The following MTA3 variants were observed in gnomAD, a reference collection of about 807,000 sequenced individuals.
MTA3 encodes the protein metastasis associated 1 family member 3.
In MTA3, 34 loss-of-function variants were observed where a neutral mutation model predicts 83.5. The ratio of observed to expected loss-of-function variants is 0.41; its 90% confidence interval spans 0.31 to 0.54. The LOEUF is 0.54. Ranked by LOEUF, MTA3 falls within the 20% of genes least tolerant of loss-of-function variation. MTA3 has a pLI of 0.33. For synonymous variants in MTA3, 303 were observed against 252.7 expected (o/e 1.20, Z -1.89); for missense variants, 761 against 726.4 (o/e 1.05, Z -0.55).
chr2:42,505,866 T>G (rs892451370), intron 2 of MTA3, among the ~76,000 whole-genome samples: 1 of 151,286 alleles, frequency 6.6e-6, no homozygotes, highest in Non-Finnish European at 1.5e-5. Flanking sequence ...TCTCCCAGGT[T>G]CAAGTGATTC....
chr2:42,604,897 G>C (rs1486224514), intron 3 of MTA3, among the ~76,000 whole-genome samples: 2 of 148,622 alleles, frequency 1.3e-5, no homozygotes, highest in East Asian at 2.0e-4. Flanking sequence ...CACAGGGTTG[G>C]GGGTAAGGTC....
chr2:42,727,721 C>T (rs1055075373), intron 16 of MTA3, among the ~76,000 whole-genome samples: 2 of 150,990 alleles, frequency 1.3e-5, no homozygotes, highest in African/African-American at 2.4e-5. Context: ...GATGAGTTTT[C>T]TCCTCTATAA....
chr2:42,737,290 G>C (rs1668683298), intron 16 of MTA3, among the ~76,000 whole-genome samples: 2 of 152,170 alleles, frequency 1.3e-5, no homozygotes. Context: ...GGGCTTGCCA[G>C]AACTCAGGTT....
At chr2:42,672,395 C>T (rs1382697784) in intron 8 of MTA3, among the ~76,000 whole-genome samples, 2 of 150,960 alleles carry the variant, frequency 1.3e-5, no homozygotes, top group East Asian at 3.9e-4. Context: ...GTAATCCTAG[C>T]ACTCTGGGAG....
chr2:42,688,180 C>T (rs1344867250), intron 9 of MTA3, among the ~76,000 whole-genome samples: 1 of 152,192 alleles, frequency 6.6e-6, no homozygotes, highest in Non-Finnish European at 1.5e-5. Flanking sequence ...AGGTGATCCT[C>T]CTGGCTTCAG....
intron 8 of MTA3, among the ~76,000 whole-genome samples, chr2:42,668,778 T>TA (rs1176820411): frequency 6.6e-6 from 1 of 152,182 alleles, no homozygotes; most frequent in African/African-American, 2.4e-5. Context: ...GAAGTCACTG[T>TA]AAGAGTTAAA....
chr2:42,632,560 T>C (rs895902164), intron 4 of MTA3, among the ~76,000 whole-genome samples: 3 of 152,214 alleles, frequency 2.0e-5, no homozygotes, highest in African/African-American at 7.2e-5. Context: ...CACTTTCTCC[T>C]GTAAGAGGGA....
intron 4 of MTA3, among the ~76,000 whole-genome samples, chr2:42,634,725 A>G (rs762814494): frequency 5.3e-5 from 8 of 151,514 alleles, no homozygotes; most frequent in Non-Finnish European, 8.8e-5. Context: ...CAAGGCAGTC[A>G]TTTGCTTGGT....
intron 16 of MTA3, among the ~76,000 whole-genome samples, chr2:42,745,477 G>T (rs1669337831): frequency 6.6e-6 from 1 of 152,174 alleles, no homozygotes; most frequent in Non-Finnish European, 1.5e-5. Flanking sequence ...TTTCTCTATA[G>T]CTTATCATCT....
At chr2:42,658,133 A>G (rs959487075) in intron 7 of MTA3, among the ~76,000 whole-genome samples, 6 of 152,000 alleles carry the variant, frequency 3.9e-5, no homozygotes, top group African/African-American at 1.4e-4. Context: ...ACCACAGTCA[A>G]ATACCACTGC....
intron 3 of MTA3, among the ~76,000 whole-genome samples, chr2:42,597,795 T>G (rs562516846): frequency 6.6e-6 from 1 of 150,584 alleles, no homozygotes; most frequent in East Asian, 2.0e-4. Flanking sequence ...ATCCTCCTGC[T>G]TCAGCCTCCT....
chr2:42,607,629 C>T (rs948686354), intron 3 of MTA3, among the ~76,000 whole-genome samples: 19 of 152,164 alleles, frequency 1.2e-4, no homozygotes, highest in African/African-American at 3.9e-4. Flanking sequence ...CAGGCATGAG[C>T]CATCACACCT....
chr2:42,713,690 A>T (rs1391111254), intron 14 of MTA3, among the ~76,000 whole-genome samples: 2 of 152,192 alleles, frequency 1.3e-5, no homozygotes, highest in African/African-American at 4.8e-5. Flanking sequence ...TGATATTAAC[A>T]TACTGTCTAT....
intron 3 of MTA3, among the ~76,000 whole-genome samples, chr2:42,582,118 C>T (rs949766419): frequency 1.3e-5 from 2 of 151,804 alleles, no homozygotes; most frequent in East Asian, 3.9e-4. Flanking sequence ...AGTGTAGTGG[C>T]GCGATCTTGG....
chr2:42,563,773 A>AACAT (rs1344498456), upstream of MTA3, among the ~76,000 whole-genome samples: 2 of 110,806 alleles, frequency 1.8e-5, no homozygotes, highest in African/African-American at 3.4e-5. Flanking sequence ...GCCTGGACCA[A>AACAT]ACATTCCTTC....
intron 4 of MTA3, among the ~76,000 whole-genome samples, chr2:42,634,860 C>A (rs61043118): frequency 4.6e-5 from 7 of 151,994 alleles, no homozygotes; most frequent in African/African-American, 1.5e-4. Context: ...TCCCTATTCC[C>A]TTTGCCATCT....
chr2:42,643,772 A>C (rs943057571), intron 5 of MTA3, among the ~76,000 whole-genome samples: 2 of 152,204 alleles, frequency 1.3e-5, no homozygotes, highest in Non-Finnish European at 2.9e-5. Context: ...GGACTTCAGA[A>C]GTTTATAAGA....
rs766121193 is a variant in MTA3 at position 42,609,792 on chromosome 2, CTTTGT to C, written c.317+212_317+216del. On this transcript the variant is annotated intron_variant, in intron 4 of 16. Transcript: ENST00000405094. ...TTCTCCAGTAAAGTAACCATTTTAA[CTTTGT>C]TTTAATAACAGACTTTCCTGGCCAG... Among the ~76,000 whole-genome samples, 15 of 152,264 alleles carry C rather than the reference CTTTGT, an allele frequency of 9.9e-5. No individual in the cohort carries two copies. In the East Asian group the frequency reaches 2.9e-3, roughly 29 times the overall value.
chr2:42,633,219 C>T (rs1014777519), intron 4 of MTA3, among the ~76,000 whole-genome samples: 1 of 151,256 alleles, frequency 6.6e-6, no homozygotes, highest in Non-Finnish European at 1.5e-5. Flanking sequence ...GCCGAGGTTG[C>T]AGTGAGCCGA....
Sources: allele counts gnomAD v4.1 joint callset (sites outside exome capture counted in the v4.1 genomes callset), GRCh38; gene constraint gnomAD v4.1.1; transcripts MANE v1.5; gene names NCBI Gene and HGNC (gene_info 2026-07-23, HGNC 2026-07-21).